The following PCF11 variants were observed in gnomAD, a reference collection of about 807,000 sequenced individuals.
PCF11 encodes pre-mRNA cleavage complex 2 protein Pcf11.
PCF11 carries 19 observed loss-of-function variants against 166.1 expected under a neutral mutation model. That is an observed-to-expected ratio of 0.11 (90% CI 0.08 to 0.17). The LOEUF is 0.17. Ranked by LOEUF, PCF11 falls within the 10% of genes least tolerant of loss-of-function variation. PCF11 has a pLI of 1.00. For missense variants in PCF11, 1,565 were observed against 1,855.5 expected (o/e 0.84, Z 2.88); for synonymous variants, 663 against 644.1 (o/e 1.03, Z -0.44).
At chr11:83,183,553 C>T (rs1861155908) in intron 15 of PCF11, among the ~76,000 whole-genome samples, 2 of 152,032 alleles carry the variant, frequency 1.3e-5, no homozygotes, top group African/African-American at 2.4e-5. Flanking sequence ...TGCAATGGCG[C>T]AATCTCGGCT....
At chr11:83,181,436 C>T (rs1431609373) in intron 12 of PCF11, among the ~76,000 whole-genome samples, 2 of 148,508 alleles carry the variant, frequency 1.3e-5, no homozygotes, top group South Asian at 2.1e-4. Flanking sequence ...GTATAGCATA[C>T]AGGCTTGTTC....
intron 15 of PCF11, among the ~76,000 whole-genome samples, chr11:83,183,779 C>T (rs774217085): frequency 2.0e-5 from 3 of 151,952 alleles, no homozygotes; most frequent in Non-Finnish European, 2.9e-5. Context: ...CGTGAGCCAC[C>T]GTGCTCGGCC....
At chr11:83,157,412 G>T (rs1565148131) in exon 1 of PCF11, 1 of 1,598,038 alleles carries the variant, frequency 6.3e-7, no homozygotes, top group Admixed American at 1.7e-5. Context: ...TTCAGCTGCA[G>T]CGGACCTCGG....
chr11:83,169,317 G>T (rs759918562), exon 8 of PCF11: 2 of 1,611,782 alleles, frequency 1.2e-6, no homozygotes, highest in Non-Finnish European at 1.7e-6. Context: ...TTGGTATCAG[G>T]TTTGAAGGCC....
chr11:83,177,710 G>A lies in PCF11; in HGVS notation c.3878-4G>A, dbSNP rs1860934055. The A allele has an allele frequency of 6.8e-7, 1 of 1,462,964 alleles. No individual in the cohort carries two copies. The highest frequency in any genetic ancestry group is 1.3e-5 in the South Asian group (1 of 79,132). The allele number at this position is 1,462,964 out of a possible 1,614,324, so 90.6% of individuals were successfully genotyped here. On this transcript the variant is annotated splice_polypyrimidine_tract_variant and splice_region_variant and intron_variant, in intron 10 of 15. Coordinates refer to ENST00000298281, the Ensembl canonical transcript of PCF11. ...GAAATTTGTATGTCTCTTCTTAATTGAAGAAGTAAGTGAAGTAACTGCTCA... is the reference window on the plus strand; with the variant it reads ...GAAATTTGTATGTCTCTTCTTAATTAAAGAAGTAAGTGAAGTAACTGCTCA...
chr11:83,178,911 C>A (rs1478085447), intron 11 of PCF11, among the ~76,000 whole-genome samples: 1 of 152,002 alleles, frequency 6.6e-6, no homozygotes, highest in Non-Finnish European at 1.5e-5. Context: ...ACAACTCTCA[C>A]TTTATGGATA....
chr11:83,164,447 C>T (rs777924057), intron 4 of PCF11, 46 bp downstream of exon 4: 1 of 1,364,300 alleles, frequency 7.3e-7, no homozygotes, highest in Admixed American at 2.2e-5. Flanking sequence ...ACCTGTCTAA[C>T]AATAGGGAAG....
At chr11:83,168,576 A>G in exon 8 of PCF11, 1 of 1,614,034 alleles carries the variant, frequency 6.2e-7, no homozygotes, top group Non-Finnish European at 8.5e-7. Context: ...CTTTAGCTGA[A>G]GACAGACCGT....
chr11:83,179,591 C>T (rs1861012811), intron 11 of PCF11, among the ~76,000 whole-genome samples: 1 of 152,008 alleles, frequency 6.6e-6, no homozygotes, highest in Non-Finnish European at 1.5e-5. Flanking sequence ...CACATCTGGA[C>T]ATAATCTCTT....
exon 13 of PCF11, chr11:83,181,954 C>T: frequency 6.2e-7 from 1 of 1,612,718 alleles, no homozygotes; most frequent in Non-Finnish European, 8.5e-7. Flanking sequence ...ACTCAAGAGG[C>T]TGCTAAAGAA....
intron 1 of PCF11, among the ~76,000 whole-genome samples, chr11:83,160,935 C>T (rs1170218006): frequency 6.6e-6 from 1 of 152,170 alleles, no homozygotes; most frequent in Non-Finnish European, 1.5e-5. Flanking sequence ...CTAAAAACTG[C>T]TTTGAGTGTA....
chr11:83,182,564 G>C, intron 14 of PCF11, 73 bp downstream of exon 14: 2 of 750,852 alleles, frequency 2.7e-6, no homozygotes, highest in Non-Finnish European at 4.6e-6. Context: ...TACTTTGAAA[G>C]GAGGCGGTTC....
intron 9 of PCF11, among the ~76,000 whole-genome samples, chr11:83,176,405 T>A (rs1860880553): frequency 6.6e-6 from 1 of 152,228 alleles, no homozygotes; most frequent in Non-Finnish European, 1.5e-5. Context: ...ATTGTGGCAC[T>A]ATTCACAATA....
At chr11:83,177,946 T>TG (rs1723039238) in intron 11 of PCF11, 127 bp downstream of exon 11, 2 of 349,486 alleles carry the variant, frequency 5.7e-6, no homozygotes, top group South Asian at 1.7e-4. Context: ...ATTTAGGAAG[T>TG]CTTTTTTTTT....
intron 1 of PCF11, chr11:83,158,651 T>G (rs542409031): frequency 2.0e-5 from 3 of 152,228 alleles, no homozygotes; most frequent in Non-Finnish European, 4.4e-5. Flanking sequence ...TTTTCAAGCT[T>G]GTACTCACGG....
At chr11:83,181,886 G>C (rs1861099196) in exon 13 of PCF11, 1 of 1,611,428 alleles carries the variant, frequency 6.2e-7, no homozygotes, top group Non-Finnish European at 8.5e-7. Context: ...TAGCTGATCT[G>C]GAAGAACGGG....
chr11:83,165,484 G>T (rs1390781639), intron 4 of PCF11, 116 bp from the exon 5 acceptor site: 2 of 668,628 alleles, frequency 3.0e-6, no homozygotes, highest in East Asian at 5.5e-5. Flanking sequence ...CAATTTAAAT[G>T]TAGTGTTGAG....
At position 83,167,102 on chromosome 11, in the gene PCF11, A is replaced by C; in HGVS notation, c.1818-23A>C. 1 of 1,575,282 alleles carries C rather than the reference A, an allele frequency of 6.3e-7. No individual in the cohort carries two copies. The highest frequency in any genetic ancestry group is 8.7e-7 in the Non-Finnish European group (1 of 1,154,646). ...TTTTTTAAAAAAACATTTCAATGTA[A>C]CATACTGCTTTTATGGTTTCAGCTT... On this transcript the variant is annotated intron_variant, in intron 5 of 15. Transcript: ENST00000298281. This position sits in a 1 kb window ranked among gnomAD's most constrained non-coding sequence, Gnocchi z 4.2.
chr11:83,169,738 T>C, exon 8 of PCF11: 1 of 1,613,972 alleles, frequency 6.2e-7, no homozygotes, highest in Non-Finnish European at 8.5e-7. Flanking sequence ...GACTGGTCCA[T>C]ATAATGATCC....
Sources: gnomAD v4.1 joint callset for allele counts (sites outside exome capture counted in the v4.1 genomes callset) on GRCh38, gnomAD v4.1.1 for gene constraint, Gnocchi (gnomAD v3.1) non-coding constraint, MANE v1.5 for transcripts, NCBI Gene and HGNC (gene_info 2026-07-23, HGNC 2026-07-21) for gene names.